SNAP91: variants seen among roughly 807,000 people sequenced by gnomAD.
SNAP91 encodes clathrin coat assembly protein AP180.
A neutral mutation model predicts 100.3 loss-of-function variants in SNAP91; 27 were observed. That is an observed-to-expected ratio of 0.27 (90% CI 0.20 to 0.37). The LOEUF is 0.37. Ranked by LOEUF, SNAP91 falls within the 10% of genes least tolerant of loss-of-function variation. The pLI, the probability that SNAP91 is intolerant of heterozygous loss-of-function variation, is 1.00. For synonymous variants in SNAP91, 404 were observed against 398.6 expected, an observed-to-expected ratio of 1.01 and a Z score of -0.16; for missense variants, 986 against 1,123.7, an observed-to-expected ratio of 0.88 and a Z score of 1.75.
At chr6:83,625,937 T>C (rs1022574948) in intron 8 of SNAP91, among the ~76,000 whole-genome samples, 2 of 152,106 alleles carry the variant, frequency 1.3e-5, no homozygotes, top group Non-Finnish European at 2.9e-5. Context: ...TCATAAATTC[T>C]TTGCCAAGGC....
chr6:83,620,868 C>T (rs2096691799), intron 9 of SNAP91, among the ~76,000 whole-genome samples: 2 of 152,082 alleles, frequency 1.3e-5, no homozygotes, highest in Non-Finnish European at 2.9e-5. Context: ...CCCACCACCG[C>T]GCCCGGCTAA....
chr6:83,640,185 C>T (rs1339306807), intron 8 of SNAP91, among the ~76,000 whole-genome samples: 1 of 152,078 alleles, frequency 6.6e-6, no homozygotes, highest in Non-Finnish European at 1.5e-5. Flanking sequence ...TTTCATGTGA[C>T]AATTATTACT....
chr6:83,592,481 G>T lies in SNAP91; in HGVS notation c.1904C>A (p.Ser635Tyr), dbSNP rs768171500. ...ATTASPAKVD[S>Y]SGVIDLFGDA... The stretch of plus-strand genomic sequence containing the variant: ...CCCAAAAAGGTCTATGACACCTGAA[G>T]AATCCACCTTTGCTGGCGAGGCAGT... Residue 635 changes from serine (S) to tyrosine (Y), a missense_variant, in exon 21 of 30, where the codon TCT (serine) becomes TAT (tyrosine). Coordinates refer to ENST00000369694, the MANE Select transcript of SNAP91 (RefSeq NM_001242792.2). The T allele has an allele frequency of 3.1e-6, 5 of 1,612,450 alleles. No homozygotes were observed. The Admixed American group carries it at 8.3e-5, about 27-fold the overall frequency.
intron 8 of SNAP91, 104 bp downstream of exon 8, chr6:83,640,992 C>T: frequency 1.6e-6 from 1 of 632,904 alleles, no homozygotes; most frequent in South Asian, 2.9e-5. Context: ...GCACTTCCAA[C>T]CCTAATATAC....
At chr6:83,659,116 G>A (rs1364765169) in intron 5 of SNAP91, 24 bp from the exon 6 acceptor site, 5 of 1,382,762 alleles carry the variant, frequency 3.6e-6, no homozygotes, top group Non-Finnish European at 5.0e-6. Flanking sequence ...AAAAAAAAAG[G>A]TACAATTTCA....
intron 2 of SNAP91, among the ~76,000 whole-genome samples, chr6:83,703,147 T>A (rs1204039443): frequency 6.7e-6 from 1 of 148,350 alleles, no homozygotes; most frequent in Non-Finnish European, 1.5e-5. Flanking sequence ...TACAGTAAAG[T>A]GAGAGGGTGT....
intron 3 of SNAP91, among the ~76,000 whole-genome samples, chr6:83,662,695 T>G: frequency 6.6e-6 from 1 of 152,128 alleles, no homozygotes; most frequent in East Asian, 1.9e-4. Flanking sequence ...AATTTTAATT[T>G]TATCAGTATT....
intron 9 of SNAP91, among the ~76,000 whole-genome samples, chr6:83,617,658 G>A (rs1055315613): frequency 7.9e-5 from 12 of 151,474 alleles, no homozygotes; most frequent in African/African-American, 2.9e-4. Flanking sequence ...TCAGAGCACT[G>A]TGTATTGGCA....
At chr6:83,599,313 T>C (rs770498039) in intron 16 of SNAP91, among the ~76,000 whole-genome samples, 5 of 152,112 alleles carry the variant, frequency 3.3e-5, no homozygotes, top group Non-Finnish European at 7.4e-5. Flanking sequence ...TCCTTATAAG[T>C]GGACTGGAAA....
intron 5 of SNAP91, 80 bp from the exon 6 acceptor site, chr6:83,659,172 C>T: frequency 9.7e-7 from 1 of 1,029,246 alleles, no homozygotes; most frequent in Non-Finnish European, 1.4e-6. Flanking sequence ...CTAAGCTGTT[C>T]CCCCACACCA....
At chr6:83,559,553 T>C (rs1184878133) in intron 28 of SNAP91, among the ~76,000 whole-genome samples, 1 of 152,208 alleles carries the variant, frequency 6.6e-6, no homozygotes, top group Non-Finnish European at 1.5e-5. Context: ...TAGGAAACTA[T>C]CTAACCTGGC....
chr6:83,649,659 G>T (rs1309791670), intron 7 of SNAP91, among the ~76,000 whole-genome samples: 1 of 151,928 alleles, frequency 6.6e-6, no homozygotes, highest in African/African-American at 2.4e-5. Flanking sequence ...TTGGCTCACT[G>T]CAACCTCTGC....
chr6:83,642,068 A>G (rs1365609022), intron 7 of SNAP91, among the ~76,000 whole-genome samples: 1 of 152,212 alleles, frequency 6.6e-6, no homozygotes, highest in African/African-American at 2.4e-5. Context: ...ATGTCTGCCT[A>G]CAGTAGTTCC....
intron 7 of SNAP91, among the ~76,000 whole-genome samples, chr6:83,643,861 T>TA (rs2097807954): frequency 4.6e-5 from 7 of 152,188 alleles, no homozygotes; most frequent in Admixed American, 4.6e-4. Context: ...GCTAGGAGTT[T>TA]AGAGAAAAGA....
At position 83,605,904 on chromosome 6, in the gene SNAP91, T is replaced by G. The variant is rs562964468; in HGVS notation, c.1023-101A>C. ...AGAAATCATCAAAGATTTTAGGTATTTTAAATCCAATAAAAGAATAATACT... is the reference window on the plus strand; with the variant it reads ...AGAAATCATCAAAGATTTTAGGTATGTTAAATCCAATAAAAGAATAATACT... On this transcript the variant is annotated intron_variant, in intron 13 of 29. Coordinates refer to ENST00000369694, the MANE Select transcript of SNAP91 (RefSeq NM_001242792.2). 43 of 1,000,548 alleles carry G rather than the reference T, an allele frequency of 4.3e-5. No homozygotes were observed. The African/African-American group carries it at 7.1e-4, about 16-fold the overall frequency. The allele number at this position is 1,000,548 out of a possible 1,614,324, so 62.0% of individuals were successfully genotyped here. A position where few individuals can be genotyped will look rare whatever the true frequency, so the allele number is the denominator to read the frequency against.
intron 7 of SNAP91, among the ~76,000 whole-genome samples, chr6:83,650,300 G>A (rs2098140832): frequency 6.6e-6 from 1 of 152,198 alleles, no homozygotes; most frequent in African/African-American, 2.4e-5. Flanking sequence ...TACCTCAGTT[G>A]TTTTATGAAT....
At chr6:83,633,222 C>T (rs192690787) in intron 8 of SNAP91, among the ~76,000 whole-genome samples, 3 of 152,306 alleles carry the variant, frequency 2.0e-5, no homozygotes, top group African/African-American at 7.2e-5. Flanking sequence ...CTCACAGAGT[C>T]CTGTGATGTG....
chr6:83,553,537 A>T lies in SNAP91; in HGVS notation c.*759T>A, dbSNP rs142395457. 2 of 152,272 alleles carry T rather than the reference A, an allele frequency of 1.3e-5. No homozygotes were observed. The highest frequency in any genetic ancestry group is 6.5e-5 in the Admixed American group (1 of 15,286). The allele number at this position is 152,272 out of a possible 1,614,324, so 9.4% of individuals were successfully genotyped here. ...CTTTACTTTTCAGTGCATTTAATCAAGAATGAATAAATAGGTCAATTTAGA... is the reference window on the plus strand; with the variant it reads ...CTTTACTTTTCAGTGCATTTAATCATGAATGAATAAATAGGTCAATTTAGA... On this transcript the variant is annotated 3_prime_UTR_variant, in exon 30 of 30. Coordinates refer to ENST00000369694, the MANE Select transcript of SNAP91 (RefSeq NM_001242792.2).
chr6:83,630,718 T>C (rs2097172099), intron 8 of SNAP91, among the ~76,000 whole-genome samples: 1 of 152,104 alleles, frequency 6.6e-6, no homozygotes, highest in African/African-American at 2.4e-5. Flanking sequence ...TGAGCTTATT[T>C]GGATTTTCTC....
Sources: gnomAD v4.1 joint callset for allele counts (sites outside exome capture counted in the v4.1 genomes callset) on GRCh38, gnomAD v4.1.1 for gene constraint, MANE v1.5 for transcripts, NCBI Gene and HGNC (gene_info 2026-07-23, HGNC 2026-07-21) for gene names.